Variants in ALDH5A1 observed in about 807,000 individuals in gnomAD.
ALDH5A1 encodes succinate-semialdehyde dehydrogenase, mitochondrial.
A neutral mutation model predicts 54.7 loss-of-function variants in ALDH5A1; 33 were observed. That is an observed-to-expected ratio of 0.60 (90% confidence interval 0.46 to 0.81). The LOEUF is 0.81. Ranked by LOEUF, ALDH5A1 falls within the 30% of genes least tolerant of loss-of-function variation. The pLI is 0.00. For missense variants in ALDH5A1, 657 were observed against 711.0 expected, an observed-to-expected ratio of 0.92 and a Z score of 0.86; for synonymous variants, 294 against 292.7, an observed-to-expected ratio of 1.00 and a Z score of -0.05.
chr6:24,515,097 C>CTTT, intron 4 of ALDH5A1, 70 bp from the exon 5 acceptor site: 1 of 1,311,218 alleles, frequency 7.6e-7, no homozygotes, highest in Non-Finnish European at 1.0e-6. Flanking sequence ...ATTTATTTCT[C>CTTT]TTTTCTTTTT....
At chr6:24,503,517 G>A (rs1450996768) in intron 3 of ALDH5A1, 84 bp downstream of exon 3, 11 of 1,498,374 alleles carry the variant, frequency 7.3e-6, no homozygotes, top group Non-Finnish European at 1.8e-6. Flanking sequence ...GTGAGCAGGT[G>A]TGCTCATCCT....
Position 24,518,846 on chromosome 6 carries a change from G to A in ALDH5A1, c.871-1555G>A, listed in dbSNP as rs1759621977. On this transcript the variant is annotated intron_variant, in intron 5 of 9. Coordinates refer to ENST00000357578, the MANE Select transcript of ALDH5A1 (RefSeq NM_001080.3). This position sits in a 1 kb window ranked among gnomAD's most constrained non-coding sequence, Gnocchi z 4.2. ...AATCCTAGAGCCACCTTGGGCTTGC[G>A]AACACCGTCTGTTTCACTCGAACTA... Among the ~76,000 whole-genome samples the A allele has an allele frequency of 1.3e-5, 2 of 152,150 alleles. No individual in the cohort carries two copies. Among genetic ancestry groups the A allele is most frequent in the South Asian group, 4.1e-4 (2 of 4,828 alleles).
At chr6:24,526,466 A>C (rs1037341040) in intron 7 of ALDH5A1, among the ~76,000 whole-genome samples, 10 of 152,292 alleles carry the variant, frequency 6.6e-5, no homozygotes, top group Non-Finnish European at 1.0e-4. Flanking sequence ...ATAATAAAAA[A>C]AGAAGTATGT....
At chr6:24,519,118 G>A (rs2127386956) in intron 5 of ALDH5A1, among the ~76,000 whole-genome samples, 1 of 152,050 alleles carries the variant, frequency 6.6e-6, no homozygotes, top group South Asian at 2.1e-4. Flanking sequence ...TTGAGATGGA[G>A]TCTCGCTCTG....
In ALDH5A1 at chr6:24,534,077, C is replaced by G. The variant is rs1244679414; in HGVS notation, c.*365C>G. ...CCTGGGCAGTGGCACAACCATCCCC[C>G]ATGTCGCTACAGAACATGGGCCCAG... On this transcript the variant is annotated 3_prime_UTR_variant, in exon 10 of 10. Coordinates refer to ENST00000357578, the MANE Select transcript of ALDH5A1 (RefSeq NM_001080.3). 1 of 281,082 alleles carries G rather than the reference C, an allele frequency of 3.6e-6. No homozygotes were observed. The highest frequency in any genetic ancestry group is 6.9e-6 in the Non-Finnish European group (1 of 145,036). 17.4% of individuals were successfully genotyped at this position (281,082 alleles called of 1,614,324 possible). A position where few individuals can be genotyped will look rare whatever the true frequency, so the allele number is the denominator to read the frequency against.
intron 1 of ALDH5A1, among the ~76,000 whole-genome samples, chr6:24,501,788 A>G (rs1267611695): frequency 1.3e-5 from 2 of 151,960 alleles, no homozygotes; most frequent in Non-Finnish European, 2.9e-5. Flanking sequence ...CCTGTCTCAA[A>G]AACAAACAAT....
chr6:24,530,702 T>C (rs1759920881), intron 8 of ALDH5A1, among the ~76,000 whole-genome samples: 2 of 152,338 alleles, frequency 1.3e-5, no homozygotes, highest in South Asian at 2.1e-4. Context: ...TTGGAATAGG[T>C]TGGGGAGAAG....
At chr6:24,505,984 A>G (rs931341962) in intron 4 of ALDH5A1, among the ~76,000 whole-genome samples, 4 of 150,924 alleles carry the variant, frequency 2.7e-5, no homozygotes, top group East Asian at 3.9e-4. Flanking sequence ...AAAAATCACA[A>G]CCTCACACTC....
At chr6:24,519,153 G>A (rs905395711) in intron 5 of ALDH5A1, among the ~76,000 whole-genome samples, 14 of 151,884 alleles carry the variant, frequency 9.2e-5, no homozygotes, top group South Asian at 4.1e-4. Context: ...GTGCAGTGGC[G>A]CGATCCACAG....
chr6:24,527,760 A>G (rs1759847010), intron 7 of ALDH5A1, among the ~76,000 whole-genome samples: 1 of 152,222 alleles, frequency 6.6e-6, no homozygotes, highest in Admixed American at 6.5e-5. Flanking sequence ...TAGACCATTC[A>G]ACAAATAGGA....
intron 4 of ALDH5A1, chr6:24,511,980 AG>A: frequency 2.3e-6 from 1 of 430,736 alleles, no homozygotes. Flanking sequence ...GGGAAGGTCT[AG>A]GGCTGAAGGC....
At chr6:24,531,059 T>C (rs1759928070) in intron 8 of ALDH5A1, among the ~76,000 whole-genome samples, 1 of 152,246 alleles carries the variant, frequency 6.6e-6, no homozygotes, top group Non-Finnish European at 1.5e-5. Context: ...GCTGTTGTTG[T>C]TGGTTTTGAC....
At chr6:24,528,218 A>C in intron 8 of ALDH5A1, 52 bp downstream of exon 8, 1 of 1,606,940 alleles carries the variant, frequency 6.2e-7, no homozygotes, top group Non-Finnish European at 8.5e-7. Flanking sequence ...AAGAGAACAT[A>C]GGAAACCCTG....
Position 24,535,205 on chromosome 6 carries a change from C to T in ALDH5A1, c.*1493C>T, listed in dbSNP as rs777148964. ...TGCTGGATGCAATTACTCCTGAACC[C>T]CACCTAGGATTTAACATCCCTCATT... On this transcript the variant is annotated 3_prime_UTR_variant, in exon 10 of 10. Coordinates refer to ENST00000357578, the MANE Select transcript of ALDH5A1 (RefSeq NM_001080.3). 5 of 152,172 alleles carry T rather than the reference C, an allele frequency of 3.3e-5. No individual in the cohort carries two copies. The highest frequency in any genetic ancestry group is 7.3e-5 in the Non-Finnish European group (5 of 68,056). 9.4% of individuals were successfully genotyped at this position (152,172 alleles called of 1,614,324 possible).
At position 24,508,180 on chromosome 6, in the gene ALDH5A1, T is replaced by C. The variant is rs556165303; in HGVS notation, c.726+3195T>C. 1.7e-3 allele frequency among the ~76,000 whole-genome samples: 254 copies of C among 151,694 alleles called. 1 individual carries two copies. The highest frequency in any genetic ancestry group is 5.9e-3 in the African/African-American group (242 of 41,310). ...GAGATTGAGACCATCCTGGCCAACA[T>C]AGTGAAACCCCGTCTCTACTAAAAA... On this transcript the variant is annotated intron_variant, in intron 4 of 9. Transcript: ENST00000357578.
intron 8 of ALDH5A1, among the ~76,000 whole-genome samples, chr6:24,529,641 T>G (rs1232128718): frequency 6.6e-6 from 1 of 151,290 alleles, no homozygotes; most frequent in African/African-American, 2.4e-5. Context: ...TCCTAATATC[T>G]TTAATACGGT....
chr6:24,522,501 G>GTGTGTGTGTGTGTGTA lies in ALDH5A1; in HGVS notation c.1015-263_1015-262insGTGTGTGTGTGTATGT, dbSNP rs1554137632. 1,252 of 362,316 alleles carry GTGTGTGTGTGTGTGTA rather than the reference G, an allele frequency of 3.5e-3. 21 individuals carry two copies. Among genetic ancestry groups the GTGTGTGTGTGTGTGTA allele is most frequent in the African/African-American group, 5.8e-3 (273 of 46,702 alleles). The allele number at this position is 362,316 out of a possible 1,614,324, so 22.4% of individuals were successfully genotyped here. On this transcript the variant is annotated intron_variant, in intron 6 of 9. Coordinates refer to ENST00000357578, the MANE Select transcript of ALDH5A1 (RefSeq NM_001080.3). ...TTCGTGTGTGTGTGTGTGTGTGTGT[G>GTGTGTGTGTGTGTGTA]TGTACAGGTGCTTATTGCCAACTAA...
chr6:24,497,153 A>G (rs924082271), intron 1 of ALDH5A1, among the ~76,000 whole-genome samples: 1 of 152,182 alleles, frequency 6.6e-6, no homozygotes, highest in African/African-American at 2.4e-5. Flanking sequence ...AAGCTTCCAC[A>G]GCGCGGAAGG....
At chr6:24,505,581 G>C (rs1300152480) in intron 4 of ALDH5A1, among the ~76,000 whole-genome samples, 1 of 152,134 alleles carries the variant, frequency 6.6e-6, no homozygotes, top group Non-Finnish European at 1.5e-5. Flanking sequence ...TCTGTCTGGA[G>C]CAGTCTCCCC....
Sources: gnomAD v4.1 joint callset for allele counts (sites outside exome capture counted in the v4.1 genomes callset) on GRCh38, gnomAD v4.1.1 for gene constraint, Gnocchi (gnomAD v3.1) non-coding constraint, MANE v1.5 for transcripts, NCBI Gene and HGNC (gene_info 2026-07-23, HGNC 2026-07-21) for gene names.